The following MTFR1 variants were observed in gnomAD, a reference collection of about 807,000 sequenced individuals.
The protein encoded by MTFR1 is chondrocyte protein with a poly-proline region.
In MTFR1, 28 loss-of-function variants were observed where a neutral mutation model predicts 38.8. That is an observed-to-expected ratio of 0.72 (90% CI 0.53 to 0.99). MTFR1 has a LOEUF of 0.99. MTFR1 is among the 50% of genes least tolerant of loss of function. The pLI is 0.00. For synonymous variants in MTFR1, 145 were observed against 137.0 expected (o/e 1.06, Z -0.41); for missense variants, 358 against 395.5 (o/e 0.91, Z 0.81).
chr8:65,662,466 T>C (rs1438190740), intron 1 of MTFR1, among the ~76,000 whole-genome samples: 6 of 150,340 alleles, frequency 4.0e-5, no homozygotes, highest in South Asian at 2.1e-4. Flanking sequence ...ACCTCCCAGC[T>C]GCCTGCCTTG....
chr8:65,742,111 CAGA>C (rs1477757472), intron 3 of MTFR1, among the ~76,000 whole-genome samples: 1 of 152,104 alleles, frequency 6.6e-6, no homozygotes, highest in Non-Finnish European at 1.5e-5. Context: ...AAACCAGGCA[CAGA>C]AGAACTTTTT....
chr8:65,654,356 C>T (rs541024566), intron 1 of MTFR1, among the ~76,000 whole-genome samples: 245 of 151,968 alleles, frequency 1.6e-3, no homozygotes, highest in Non-Finnish European at 2.9e-3. Context: ...TCATGTATGG[C>T]TCTATCTTTT....
chr8:65,751,955 G>A (rs924015818), intron 3 of MTFR1, among the ~76,000 whole-genome samples: 3 of 152,034 alleles, frequency 2.0e-5, no homozygotes, highest in Non-Finnish European at 2.9e-5. Context: ...TCTTTTATAA[G>A]GCTGTAAAGT....
chr8:65,661,851 C>A (rs982387881), intron 1 of MTFR1, among the ~76,000 whole-genome samples: 1 of 151,958 alleles, frequency 6.6e-6, no homozygotes, highest in African/African-American at 2.4e-5. Flanking sequence ...GCAGTCCCAG[C>A]TACTTGGGAG....
rs1168381833 is a variant in MTFR1, at chr8:65,739,555, T to C, written c.*48+20074T>C. On this transcript the variant is annotated intron_variant, in intron 3 of 3. Transcript: ENST00000521247. ...TAAATGGAAGTACTCAATTAATCCATGAAGACTAAATAAATGAAAGGTTAA... is the reference window on the plus strand; with the variant it reads ...TAAATGGAAGTACTCAATTAATCCACGAAGACTAAATAAATGAAAGGTTAA... 6.4e-7 allele frequency: 1 copy of C among 1,564,440 alleles called. No individual in the cohort carries two copies. The highest frequency in any genetic ancestry group is 8.6e-7 in the Non-Finnish European group (1 of 1,160,730).
At chr8:65,776,117 A>G (rs1809252600), downstream of MTFR1, among the ~76,000 whole-genome samples, 1 of 152,142 alleles carries the variant, frequency 6.6e-6, no homozygotes, top group Non-Finnish European at 1.5e-5. Context: ...ATAATTTGGC[A>G]AAGTTAATCA....
chr8:65,725,480 T>C (rs1806572643), intron 3 of MTFR1: 2 of 154,236 alleles, frequency 1.3e-5, no homozygotes, highest in Non-Finnish European at 2.9e-5. Context: ...CAGTTATCTG[T>C]AAATGAATAT....
Position 65,693,660 on chromosome 8 carries a change from C to G in MTFR1, c.182C>G (p.Thr61Arg), listed in dbSNP as rs778729445. ...RVQFQINSHA[T>R]EWSPSHPGED... ...AACTTACAGATTAACAGCCATGCAA[C>G]AGAATGGAGTCCCAGCCACCCAGGA... The change falls in exon 4 of 8, where the codon ACA (threonine) becomes AGA (arginine). Residue 61 changes from threonine (T) to arginine (R), a missense_variant. By Grantham distance (71) the Thr-to-Arg change is moderately conservative. Transcript: ENST00000262146. The G allele has an allele frequency of 6.8e-6, 11 of 1,613,704 alleles. No homozygotes were observed. Among genetic ancestry groups the G allele is most frequent in the Non-Finnish European group, 9.3e-6 (11 of 1,179,778 alleles).
At chr8:65,664,839 T>C (rs113466254) in intron 1 of MTFR1, among the ~76,000 whole-genome samples, 29,117 of 151,752 alleles carry the variant, frequency 0.19, 2,961 homozygotes, top group Middle Eastern at 0.23. Flanking sequence ...CTGCCCACCT[T>C]GGCTTCCAAA....
At chr8:65,749,554 A>T (rs1807839190) in intron 3 of MTFR1, among the ~76,000 whole-genome samples, 3 of 152,256 alleles carry the variant, frequency 2.0e-5, no homozygotes, top group African/African-American at 7.2e-5. Flanking sequence ...ATTATGTTTA[A>T]ACTAGAATTG....
downstream of MTFR1, chr8:65,714,301 C>T (rs1004676288): frequency 1.3e-5 from 2 of 151,360 alleles, no homozygotes; most frequent in Non-Finnish European, 2.9e-5. Context: ...AGTAATAAAT[C>T]GATAGCTAAA....
chr8:65,768,016 T>C (rs1808880943), intron 3 of MTFR1, among the ~76,000 whole-genome samples: 1 of 152,040 alleles, frequency 6.6e-6, no homozygotes, highest in Non-Finnish European at 1.5e-5. Flanking sequence ...CTGTGGGGTC[T>C]GACACTCCCT....
chr8:65,649,763 C>T (rs1011320267), intron 1 of MTFR1, among the ~76,000 whole-genome samples: 2 of 152,064 alleles, frequency 1.3e-5, no homozygotes, highest in African/African-American at 4.8e-5. Flanking sequence ...TTTTTGTATG[C>T]ATTAACCATC....
intron 1 of MTFR1, among the ~76,000 whole-genome samples, chr8:65,651,567 C>T (rs1361226667): frequency 1.3e-5 from 2 of 152,124 alleles, no homozygotes; most frequent in African/African-American, 4.8e-5. Context: ...TGTCTTTTCC[C>T]AATGTATGTT....
chr8:65,723,811 T>C (rs1806494287), intron 3 of MTFR1, among the ~76,000 whole-genome samples: 1 of 152,212 alleles, frequency 6.6e-6, no homozygotes, highest in Non-Finnish European at 1.5e-5. Flanking sequence ...CAAGCTGATA[T>C]TTTTATTTAA....
At chr8:65,723,523 C>T (rs1474461653) in intron 3 of MTFR1, 2 of 1,501,770 alleles carry the variant, frequency 1.3e-6, no homozygotes, top group Non-Finnish European at 1.8e-6. Flanking sequence ...CCAGCTATAT[C>T]TAAATATGTA....
chr8:65,748,564 A>G (rs1024977755), intron 3 of MTFR1, among the ~76,000 whole-genome samples: 16 of 152,222 alleles, frequency 1.1e-4, no homozygotes, highest in Admixed American at 3.9e-4. Context: ...AACATACGTT[A>G]TCTTTAGATT....
At chr8:65,729,239 A>G (rs367941865) in intron 3 of MTFR1, among the ~76,000 whole-genome samples, 70 of 152,282 alleles carry the variant, frequency 4.6e-4, no homozygotes, top group African/African-American at 1.7e-3. Context: ...CTTTTTCAAT[A>G]AAATAGAAAA....
chr8:65,757,545 C>T (rs989539034), intron 3 of MTFR1, among the ~76,000 whole-genome samples: 5 of 152,114 alleles, frequency 3.3e-5, no homozygotes, highest in Admixed American at 2.0e-4. Flanking sequence ...TTATTCTTTC[C>T]GGCATCTGGA....
Sources: gnomAD v4.1 joint callset for allele counts (sites outside exome capture counted in the v4.1 genomes callset) on GRCh38, gnomAD v4.1.1 for gene constraint, MANE v1.5 for transcripts, NCBI Gene and HGNC (gene_info 2026-07-23, HGNC 2026-07-21) for gene names.